Variants in ALPI observed in about 807,000 individuals in gnomAD.
The protein encoded by ALPI is intestinal-type alkaline phosphatase.
Under a neutral mutation model 51.5 loss-of-function variants are expected in ALPI, and 50 were observed. The ratio of observed to expected loss-of-function variants is 0.97; its 90% CI spans 0.77 to 1.23. The LOEUF (loss-of-function observed/expected upper bound fraction) is 1.23. Ranked by LOEUF, ALPI falls within the 50% of genes most tolerant of loss-of-function variation. ALPI has a pLI of 0.00. For synonymous variants in ALPI, 322 were observed against 308.2 expected, an observed-to-expected ratio of 1.04 and a Z score of -0.47; for missense variants, 692 against 722.4, an observed-to-expected ratio of 0.96 and a Z score of 0.48.
In ALPI at chr2:232,457,901, G is replaced by A. The variant is rs368808720; in HGVS notation, c.856+34G>A. 6.2e-7 allele frequency: 1 copy of A among 1,612,886 alleles called. No individual in the cohort carries two copies. Among genetic ancestry groups the A allele is most frequent in the African/African-American group, 1.3e-5 (1 of 74,856 alleles). On this transcript the variant is annotated intron_variant, in intron 7 of 10. Coordinates refer to ENST00000295463, the MANE Select transcript of ALPI (RefSeq NM_001631.5). This position sits in a 1 kb window ranked among gnomAD's most constrained non-coding sequence, Gnocchi z 4.7. ...CCCCTTCCTGCCCTGGCATTCCTCA[G>A]ACAACCTCAGAGGGTGCCATCCGAG... is the stretch of plus-strand genomic sequence containing the variant.
Position 232,457,580 on chromosome 2 carries a change from G to A in ALPI, c.664G>A (p.Gly222Ser), listed in dbSNP as rs1031130044. 8 of 1,612,260 alleles carry A rather than the reference G, an allele frequency of 5.0e-6. No individual in the cohort carries two copies. Among genetic ancestry groups the A allele is most frequent in the Non-Finnish European group, 6.8e-6 (8 of 1,178,998 alleles). ...NMDIDVILGG[G>S]RKYMFPMGTP... is the part of the protein sequence containing the mutation. ...TTGTCCTCAGGTGATCCTTGGCGGA[G>A]GCCGCAAGTACATGTTTCCCATGGG... Residue 222 changes from glycine to serine, a missense_variant, in exon 6 of 11, where the codon GGC becomes AGC. Coordinates refer to ENST00000295463, the MANE Select transcript of ALPI (RefSeq NM_001631.5). This position sits in a 1 kb window ranked among gnomAD's most constrained non-coding sequence, Gnocchi z 4.7.
rs775847090 is a variant in ALPI, at chr2:232,457,526, C to T, written c.649-39C>T. On this transcript the variant is annotated intron_variant, in intron 5 of 10. Transcript: ENST00000295463. The surrounding 1 kb of genome is among the most constrained non-coding windows in gnomAD (Gnocchi z 4.7). ...GCATGAGGAGGGGGCACGGGGCCAG[C>T]CAGGCCCCCAAACCACCTGCCCCAT... 6.4e-7 allele frequency: 1 copy of T among 1,573,416 alleles called. No homozygotes were observed. The highest frequency in any genetic ancestry group is 1.8e-5 in the Admixed American group (1 of 55,476).
At chr2:232,458,610 A>G (rs1179958638) in intron 9 of ALPI, 22 bp from the exon 10 acceptor site, 2 of 1,609,494 alleles carry the variant, frequency 1.2e-6, no homozygotes, top group Non-Finnish European at 1.7e-6. Context: ...GCTCAACTAC[A>G]GGGACCCGCA....
Position 232,456,635 on chromosome 2 carries a change from C to A in ALPI, c.240C>A (p.Gly80=). 6.2e-7 allele frequency: 1 copy of A among 1,613,020 alleles called. No individual in the cohort carries two copies. The highest frequency in any genetic ancestry group is 1.7e-5 in the Admixed American group (1 of 59,894). Residue 80 remains glycine (G), a synonymous_variant, in exon 3 of 11, where the codon GGC becomes GGA. Transcript: ENST00000295463. The surrounding 1 kb of genome is among the most constrained non-coding windows in gnomAD (Gnocchi z 4.2). ...GGATCCTAAAGGGGCAGAAGAATGG[C>A]AAACTGGGGCCTGAGACGCCCCTGG... ...ATRILKGQKN[G]KLGPETPLAM...
Position 232,458,885 on chromosome 2 carries a change from G to T in ALPI, c.1326G>T (p.Ala442=). 1 of 1,610,656 alleles carries T rather than the reference G, an allele frequency of 6.2e-7. No individual in the cohort carries two copies. Among genetic ancestry groups the T allele is most frequent in the Non-Finnish European group, 8.5e-7 (1 of 1,179,120 alleles). The change falls in exon 11 of 11, where the codon GCG becomes GCT. Residue 442 remains alanine (A), a synonymous_variant. Transcript: ENST00000295463. ...ESGSPDYQQQ[A]AVPLSSETHG... ...GGAGCCCCGATTACCAGCAGCAGGC[G>T]GCGGTGCCCCTGTCGTCCGAGACCC...
Position 232,459,936 on chromosome 2 carries a change from G to A in ALPI, c.*790G>A, listed in dbSNP as rs1690281441. 1.3e-5 allele frequency: 2 copies of A among 152,232 alleles called. No individual in the cohort carries two copies. The highest frequency in any genetic ancestry group is 4.1e-4 in the South Asian group (2 of 4,832). The allele number at this position is 152,232 out of a possible 1,614,324, so 9.4% of individuals were successfully genotyped here. A position where few individuals can be genotyped will look rare whatever the true frequency, so the allele number is the denominator to read the frequency against. ...GGCCCTCCCGGGACATCTGGATGCT[G>A]GGCATAGATTTCTCAACAAGGAAGA... On this transcript the variant is annotated 3_prime_UTR_variant, in exon 11 of 11. Transcript: ENST00000295463.
chr2:232,460,200 G>A lies in ALPI; in HGVS notation c.*1054G>A, dbSNP rs912493071. Among the ~76,000 whole-genome samples the A allele has an allele frequency of 1.3e-4, 20 of 151,286 alleles. No individual in the cohort carries two copies. Among genetic ancestry groups the A allele is most frequent in the African/African-American group, 4.6e-4 (19 of 41,172 alleles). On this transcript the variant is annotated 3_prime_UTR_variant, in exon 11 of 11. Coordinates refer to ENST00000295463, the MANE Select transcript of ALPI (RefSeq NM_001631.5). Reference sequence around the variant, plus strand: ...CAGCACAGCAGTGCAAACGCCCTGGGGCAGTGTCAGCAGGTGCTCTGGGAG... The same window carrying A: ...CAGCACAGCAGTGCAAACGCCCTGGAGCAGTGTCAGCAGGTGCTCTGGGAG...
rs750960687 is a variant in ALPI, at chr2:232,457,975, C to A, written c.857-23C>A. On this transcript the variant is annotated intron_variant, in intron 7 of 10. Transcript: ENST00000295463. This position sits in a 1 kb window ranked among gnomAD's most constrained non-coding sequence, Gnocchi z 4.7. ...CCTCCCGCTCACAGCCTGCCAATCA[C>A]CACCAAGCTCCTTGTCCCACAGGCC... 6.8e-6 allele frequency: 11 copies of A among 1,613,056 alleles called. No homozygotes were observed. The highest frequency in any genetic ancestry group is 9.3e-6 in the Non-Finnish European group (11 of 1,179,412).
In ALPI at chr2:232,458,929, C is replaced by T. The variant is rs759852158; in HGVS notation, c.1370C>T (p.Ala457Val). 1.9e-6 allele frequency: 3 copies of T among 1,608,194 alleles called. No individual in the cohort carries two copies. The highest frequency in any genetic ancestry group is 1.6e-4 in the Middle Eastern group (1 of 6,076). The change falls in exon 11 of 11, where the codon GCG becomes GTG. Residue 457 changes from alanine to valine, a missense_variant. Transcript: ENST00000295463. ...GAGACCCACGGAGGCGAAGACGTGG[C>T]GGTGTTTGCGCGCGGCCCGCAGGCG... is the stretch of plus-strand genomic sequence containing the variant. Reference protein sequence around the residue: ...SSETHGGEDVAVFARGPQAHL... With the variant: ...SSETHGGEDVVVFARGPQAHL...
At position 232,458,394 on chromosome 2, in the gene ALPI, G is replaced by T. The variant is rs770679474; in HGVS notation, c.1169G>T (p.Gly390Val). 5.0e-6 allele frequency: 8 copies of T among 1,613,330 alleles called. No individual in the cohort carries two copies. The highest frequency in any genetic ancestry group is 5.9e-6 in the Non-Finnish European group (7 of 1,179,690). The change falls in exon 9 of 11, where the codon GGG (glycine) becomes GTG (valine). Residue 390 changes from glycine to valine, a missense_variant. Gly to Val is a moderately radical substitution (Grantham distance 109, BLOSUM62 -3). Transcript: ENST00000295463. ...TCCTTTGGTGGCTACACCTTGCGAGGGAGCTCCATCTTCGGTAGGCCTGGG... is the reference window on the plus strand; with the variant it reads ...TCCTTTGGTGGCTACACCTTGCGAGTGAGCTCCATCTTCGGTAGGCCTGGG... ...VFSFGGYTLRGSSIFGLAPSK... is the reference protein window; with the variant it reads ...VFSFGGYTLRVSSIFGLAPSK...
In ALPI at chr2:232,457,658, G is replaced by T; in HGVS notation, c.742G>T (p.Asp248Tyr). The T allele has an allele frequency of 6.2e-7, 1 of 1,613,964 alleles. No homozygotes were observed. The highest frequency in any genetic ancestry group is 8.5e-7 in the Non-Finnish European group (1 of 1,179,850). Reference sequence around the variant, plus strand: ...TGCCAGCCAGAATGGAATCAGGCTGGACGGGAAGAACCTGGTGCAGGAATG... The same window carrying T: ...TGCCAGCCAGAATGGAATCAGGCTGTACGGGAAGAACCTGGTGCAGGAATG... ...ADASQNGIRL[D>Y]GKNLVQEWLA... Residue 248 changes from aspartate to tyrosine, a missense_variant, in exon 6 of 11, where the codon GAC (aspartate) becomes TAC (tyrosine). By Grantham distance (160) the Asp-to-Tyr change is radical. Coordinates refer to ENST00000295463, the MANE Select transcript of ALPI (RefSeq NM_001631.5). This position sits in a 1 kb window ranked among gnomAD's most constrained non-coding sequence, Gnocchi z 4.7.
rs745451231 is a variant in ALPI, at chr2:232,456,252, T to C, written c.53T>C (p.Leu18Pro). The change falls in exon 1 of 11, where the codon CTG becomes CCG. Residue 18 changes from leucine to proline, a missense_variant. Coordinates refer to ENST00000295463, the MANE Select transcript of ALPI (RefSeq NM_001631.5). This position sits in a 1 kb window ranked among gnomAD's most constrained non-coding sequence, Gnocchi z 4.2. Reference protein sequence around the residue: ...LLLGLRLQLSLGVIPAEEENP... With the variant: ...LLLGLRLQLSPGVIPAEEENP... ...CTGGGCCTGAGGCTACAGCTCTCCC[T>C]GGGCGTCATCCCAGGTAATGAGGCT... The C allele has an allele frequency of 6.2e-7, 1 of 1,614,024 alleles. No individual in the cohort carries two copies.
At chr2:232,458,769 C>T (rs751654749) in intron 10 of ALPI, 21 bp downstream of exon 10, 2 of 1,613,190 alleles carry the variant, frequency 1.2e-6, no homozygotes, top group African/African-American at 1.3e-5. Context: ...CTGAATGGCC[C>T]GTGCAGGGGG....
chr2:232,457,732 CA>C lies in ALPI; in HGVS notation c.783+34del. ...GGGCTGGTGGGTGTGGGAGGCACGG[CA>C]GGGGGAGGCCAAGTGTGTGGGTCTC... On this transcript the variant is annotated intron_variant, in intron 6 of 10. Coordinates refer to ENST00000295463, the MANE Select transcript of ALPI (RefSeq NM_001631.5). The surrounding 1 kb of genome is among the most constrained non-coding windows in gnomAD (Gnocchi z 4.7). 6.2e-7 allele frequency: 1 copy of C among 1,610,344 alleles called. No individual in the cohort carries two copies. Among genetic ancestry groups the C allele is most frequent in the South Asian group, 1.1e-5 (1 of 90,654 alleles).
Position 232,456,322 on chromosome 2 carries a change from C to T in ALPI, c.68-27C>T, listed in dbSNP as rs1280515360. ...CAGGGCACCCCCTCAGCCAGGCTGA[C>T]CTGATCTCTACTCTCCCCCTGGCCA... On this transcript the variant is annotated intron_variant, in intron 1 of 10. Coordinates refer to ENST00000295463, the MANE Select transcript of ALPI (RefSeq NM_001631.5). This position sits in a 1 kb window ranked among gnomAD's most constrained non-coding sequence, Gnocchi z 4.2. 4 of 1,614,154 alleles carry T rather than the reference C, an allele frequency of 2.5e-6. No homozygotes were observed. The highest frequency in any genetic ancestry group is 3.4e-6 in the Non-Finnish European group (4 of 1,180,030).
Position 232,456,789 on chromosome 2 carries a change from C to A in ALPI, c.300+94C>A. 1 of 1,549,022 alleles carries A rather than the reference C, an allele frequency of 6.5e-7. No individual in the cohort carries two copies. The highest frequency in any genetic ancestry group is 8.7e-7 in the Non-Finnish European group (1 of 1,145,320). ...AGGGAGGGAGCCAGGACAGCTGGGG[C>A]CTAAGTTAGGAGCTGGGAGCAGTTA... is the stretch of plus-strand genomic sequence containing the variant. On this transcript the variant is annotated intron_variant, in intron 3 of 10. Transcript: ENST00000295463. This position sits in a 1 kb window ranked among gnomAD's most constrained non-coding sequence, Gnocchi z 4.2.
chr2:232,456,810 A>G lies in ALPI; in HGVS notation c.301-89A>G, dbSNP rs759187502. 9.8e-5 allele frequency: 153 copies of G among 1,567,750 alleles called. 1 individual carries two copies. The highest frequency in any genetic ancestry group is 1.2e-4 in the Non-Finnish European group (142 of 1,154,654). ...GGGGCCTAAGTTAGGAGCTGGGAGC[A>G]GTTAGGATCCCAGAGGACCAGAACC... On this transcript the variant is annotated intron_variant, in intron 3 of 10. Coordinates refer to ENST00000295463, the MANE Select transcript of ALPI (RefSeq NM_001631.5). The surrounding 1 kb of genome is among the most constrained non-coding windows in gnomAD (Gnocchi z 4.2).
At position 232,458,947 on chromosome 2, in the gene ALPI, C is replaced by T. The variant is rs756695623; in HGVS notation, c.1388C>T (p.Pro463Leu). ...GEDVAVFARG[P>L]QAHLVHGVQE... ...GACGTGGCGGTGTTTGCGCGCGGCCCGCAGGCGCACCTGGTGCATGGTGTG... is the reference window on the plus strand; with the variant it reads ...GACGTGGCGGTGTTTGCGCGCGGCCTGCAGGCGCACCTGGTGCATGGTGTG... Residue 463 changes from proline (P) to leucine (L), a missense_variant, in exon 11 of 11, where the codon CCG becomes CTG. By Grantham distance (98) the Pro-to-Leu change is moderately conservative. Transcript: ENST00000295463. 3.7e-6 allele frequency: 6 copies of T among 1,601,466 alleles called. No individual in the cohort carries two copies. Among genetic ancestry groups the T allele is most frequent in the Non-Finnish European group, 5.1e-6 (6 of 1,174,702 alleles).
Position 232,456,901 on chromosome 2 carries a change from A to T in ALPI, c.303A>T (p.Thr101=). The stretch of plus-strand genomic sequence containing the variant: ...GCTCAGGGTGTCTCCGTTCGCAGAC[A>T]TACAATGTGGACAGACAGGTGCCAG... The part of the protein sequence containing the change: ...DRFPYLALSK[T]YNVDRQVPDS... The change falls in exon 4 of 11, where the codon ACA becomes ACT. Residue 101 remains threonine, a splice_region_variant and synonymous_variant. Transcript: ENST00000295463. This position sits in a 1 kb window ranked among gnomAD's most constrained non-coding sequence, Gnocchi z 4.2. 1.2e-6 allele frequency: 2 copies of T among 1,613,456 alleles called. No homozygotes were observed. Among genetic ancestry groups the T allele is most frequent in the Non-Finnish European group, 1.7e-6 (2 of 1,180,014 alleles).
Sources: allele counts gnomAD v4.1 joint callset (sites outside exome capture counted in the v4.1 genomes callset), GRCh38; gene constraint gnomAD v4.1.1; non-coding constraint Gnocchi (gnomAD v3.1); transcripts MANE v1.5; gene names NCBI Gene and HGNC (gene_info 2026-07-23, HGNC 2026-07-21).